Variants in COL2A1 observed in about 807,000 individuals in gnomAD.
COL2A1 encodes collagen type II alpha 1 chain.
In COL2A1, 28 loss-of-function variants were observed where a neutral mutation model predicts 204.5. The observed-to-expected ratio is 0.14, with a 90% confidence interval of 0.10 to 0.19. COL2A1 has a LOEUF of 0.19. COL2A1 is among the 10% of genes least tolerant of loss of function. COL2A1 has a pLI of 1.00. For missense variants in COL2A1, 1,388 were observed against 2,027.5 expected (o/e 0.68, Z 6.06); for synonymous variants, 708 against 718.7 (o/e 0.99, Z 0.24).
At position 47,978,830 on chromosome 12, in the gene COL2A1, G is replaced by C; in HGVS notation, c.2734-72C>G. 1 of 1,545,494 alleles carries C rather than the reference G, an allele frequency of 6.5e-7. No individual in the cohort carries two copies. Among genetic ancestry groups the C allele is most frequent in the South Asian group, 1.1e-5 (1 of 88,292 alleles). On this transcript the variant is annotated intron_variant, in intron 41 of 53. Coordinates refer to ENST00000380518, the MANE Select transcript of COL2A1 (RefSeq NM_001844.5). The surrounding 1 kb of genome is among the most constrained non-coding windows in gnomAD (Gnocchi z 5.5). ...CATCCAGGCTGCCAAAGTCACTGTG[G>C]CCTCAGTGACAGCAGTTTCCTCTCT...
At position 47,993,988 on chromosome 12, in the gene COL2A1, A is replaced by G; in HGVS notation, c.870+6T>C. On this transcript the variant is annotated splice_donor_region_variant and intron_variant, in intron 13 of 53. Coordinates refer to ENST00000380518, the MANE Select transcript of COL2A1 (RefSeq NM_001844.5). ...TCCTTCCAACCTTCTCACCCGTGAT[A>G]CTTACTCTGTGACCTTTGACACCAG... is the stretch of plus-strand genomic sequence containing the variant. 1 of 1,614,122 alleles carries G rather than the reference A, an allele frequency of 6.2e-7. No homozygotes were observed. Among genetic ancestry groups the G allele is most frequent in the South Asian group, 1.1e-5 (1 of 91,082 alleles).
intron 44 of COL2A1, 37 bp from the exon 45 acceptor site, chr12:47,977,690 T>C (rs1474920231): frequency 5.6e-6 from 9 of 1,608,264 alleles, no homozygotes; most frequent in Non-Finnish European, 6.8e-6. Context: ...TTAGAGCTGC[T>C]TCCTGCCCAT....
upstream of COL2A1, chr12:48,005,696 A>C (rs1290618679): frequency 6.6e-6 from 1 of 152,118 alleles, no homozygotes; most frequent in Non-Finnish European, 1.5e-5. Flanking sequence ...CCCCAAACAG[A>C]CCTTCCTTTT....
chr12:47,986,872 G>A lies in COL2A1; in HGVS notation c.1382C>T (p.Ala461Val). Reference protein sequence around the residue: ...PKGQTGEPGIAGFKGEQGPKG... With the variant: ...PKGQTGEPGIVGFKGEQGPKG... ...GGGGCCTTGTTCACCTTTGAAGCCA[G>A]CAATACCAGGTTCACCCTTGAAAAG... Residue 461 changes from alanine (A) to valine (V), a missense_variant, in exon 22 of 54, where the codon GCT becomes GTT. By Grantham distance (64) the Ala-to-Val change is moderately conservative (BLOSUM62 0). Transcript: ENST00000380518. The A allele has an allele frequency of 6.2e-7, 1 of 1,614,206 alleles. No homozygotes were observed. Among genetic ancestry groups the A allele is most frequent in the Admixed American group, 1.7e-5 (1 of 60,032 alleles).
Position 47,998,397 on chromosome 12 carries a change from A to G in COL2A1, c.309+18T>C. The stretch of plus-strand genomic sequence containing the variant: ...AAGCCAAAAAAATATGAAAAAAGAA[A>G]AAGAAGAAAGCCCTTACCTTTGGTC... On this transcript the variant is annotated intron_variant, in intron 3 of 53. Transcript: ENST00000380518. 6.3e-7 allele frequency: 1 copy of G among 1,593,306 alleles called. No homozygotes were observed. Among genetic ancestry groups the G allele is most frequent in the Admixed American group, 1.7e-5 (1 of 57,900 alleles).
In COL2A1 at chr12:47,992,868, A is replaced by C. The variant is rs1939770057; in HGVS notation, c.1023+10T>G. Reference sequence around the variant, plus strand: ...GCAAATGGTGGTGTTTGGCTTTGTCAATTACTCACCGCAGCGCCAGCAGGG... The same window carrying C: ...GCAAATGGTGGTGTTTGGCTTTGTCCATTACTCACCGCAGCGCCAGCAGGG... On this transcript the variant is annotated intron_variant, in intron 16 of 53. Transcript: ENST00000380518. 2.5e-6 allele frequency: 4 copies of C among 1,614,090 alleles called. No individual in the cohort carries two copies. The highest frequency in any genetic ancestry group is 3.4e-6 in the Non-Finnish European group (4 of 1,179,954).
rs1592220572 is a variant in COL2A1 at position 47,987,332 on chromosome 12, T to A, written c.1222-19A>T. The A allele has an allele frequency of 6.2e-7, 1 of 1,613,786 alleles. No individual in the cohort carries two copies. Among genetic ancestry groups the A allele is most frequent in the African/African-American group, 1.3e-5 (1 of 74,980 alleles). ...GGTTACCCTGAAAAGGGAGACATTG[T>A]CAAATAAGCAGCAAAGAATGAACCC... On this transcript the variant is annotated intron_variant, in intron 19 of 53. Coordinates refer to ENST00000380518, the MANE Select transcript of COL2A1 (RefSeq NM_001844.5). The surrounding 1 kb of genome is among the most constrained non-coding windows in gnomAD (Gnocchi z 4.1).
chr12:47,983,590 G>A, intron 30 of COL2A1, 93 bp downstream of exon 30: 1 of 1,467,996 alleles, frequency 6.8e-7, no homozygotes, highest in Non-Finnish European at 9.4e-7. Flanking sequence ...CCCTGCAAGA[G>A]GTGTGGGCCC....
Position 47,983,432 on chromosome 12 carries a change from G to T in COL2A1, c.2002C>A (p.Pro668Thr). 3 of 1,614,080 alleles carry T rather than the reference G, an allele frequency of 1.9e-6. No homozygotes were observed. The highest frequency in any genetic ancestry group is 2.5e-6 in the Non-Finnish European group (3 of 1,179,972). The part of the protein sequence containing the change: ...APGPSGFQGL[P>T]GPPGPPGEGG... ...TCACCTGGGGGACCAGGAGGGCCAG[G>T]AAGTCCCTAGAAGCCGAAGTGACAA... The change falls in exon 31 of 54, where the codon CCT (proline) becomes ACT (threonine). Residue 668 changes from proline (P) to threonine (T), a missense_variant. Pro to Thr is a conservative substitution (Grantham distance 38). Transcript: ENST00000380518.
intron 1 of COL2A1, among the ~76,000 whole-genome samples, chr12:48,002,205 A>T (rs543555738): frequency 6.6e-6 from 1 of 152,334 alleles, no homozygotes; most frequent in East Asian, 1.9e-4. Context: ...AACAAGCCTC[A>T]CAAAGGAGGA....
chr12:47,973,781 C>T (rs997472224), intron 53 of COL2A1, among the ~76,000 whole-genome samples: 1 of 152,140 alleles, frequency 6.6e-6, no homozygotes, highest in African/African-American at 2.4e-5. Context: ...CCTCCTTCCC[C>T]ACTCCCCACA....
rs1164888376 is a variant in COL2A1 at position 47,976,713 on chromosome 12, C to T, written c.3435+99G>A. 7.9e-6 allele frequency: 11 copies of T among 1,396,986 alleles called. No homozygotes were observed. In the African/African-American group the frequency reaches 1.6e-4, roughly 20 times the overall value. The allele number at this position is 1,396,986 out of a possible 1,614,324, so 86.5% of individuals were successfully genotyped here. A position where few individuals can be genotyped will look rare whatever the true frequency, so the allele number is the denominator to read the frequency against. ...AGCCCTGAGGAAATCCTAGAAACTG[C>T]TTAGGGTGATCCCAAGCTGTCCTGG... On this transcript the variant is annotated intron_variant, in intron 48 of 53. Coordinates refer to ENST00000380518, the MANE Select transcript of COL2A1 (RefSeq NM_001844.5). The surrounding 1 kb of genome is among the most constrained non-coding windows in gnomAD (Gnocchi z 4.3).
At position 47,985,903 on chromosome 12, in the gene COL2A1, C is replaced by T. The variant is rs1329190091; in HGVS notation, c.1581+9G>A. On this transcript the variant is annotated intron_variant, in intron 24 of 53. Coordinates refer to ENST00000380518, the MANE Select transcript of COL2A1 (RefSeq NM_001844.5). ...AGGGAGGGACCCCAGCCCCTCTTCT[C>T]CCACTCACCTTGGGACCTGCCAGAC... 1 of 1,555,370 alleles carries T rather than the reference C, an allele frequency of 6.4e-7. No individual in the cohort carries two copies.
At chr12:48,000,901 C>T (rs1940203518) in intron 1 of COL2A1, 1 of 152,352 alleles carries the variant, frequency 6.6e-6, no homozygotes, top group Admixed American at 6.5e-5. Context: ...CCAGTGCTGA[C>T]CTCCACCTGT....
chr12:47,990,910 T>G (rs1939672188), intron 16 of COL2A1, among the ~76,000 whole-genome samples: 1 of 152,182 alleles, frequency 6.6e-6, no homozygotes, highest in Non-Finnish European at 1.5e-5. Flanking sequence ...GGGGGTACCT[T>G]TTCCTGCTGA....
chr12:48,000,129 C>T lies in COL2A1; in HGVS notation c.86-4G>A. The stretch of plus-strand genomic sequence containing the variant: ...TGCACACAGCTGCCAGCCTCCTCTG[C>T]ACCAAGGGTGGGGAGGGAGAAGCAG... On this transcript the variant is annotated splice_polypyrimidine_tract_variant and splice_region_variant and intron_variant, in intron 1 of 53. Coordinates refer to ENST00000380518, the MANE Select transcript of COL2A1 (RefSeq NM_001844.5). 6.2e-7 allele frequency: 1 copy of T among 1,610,144 alleles called. No homozygotes were observed. Among genetic ancestry groups the T allele is most frequent in the South Asian group, 1.1e-5 (1 of 90,836 alleles).
chr12:47,973,741 C>T (rs571723638), intron 53 of COL2A1, among the ~76,000 whole-genome samples, 188 bp from the exon 54 acceptor site: 17 of 152,226 alleles, frequency 1.1e-4, no homozygotes, highest in African/African-American at 2.4e-4. Flanking sequence ...CTATCCTTAG[C>T]GGCAGGGCCC....
intron 1 of COL2A1, among the ~76,000 whole-genome samples, chr12:48,000,441 G>A (rs1046464384): frequency 2.0e-5 from 3 of 152,168 alleles, no homozygotes; most frequent in Non-Finnish European, 2.9e-5. Flanking sequence ...GGGAGACCAG[G>A]TGATGGAGTG....
chr12:47,999,633 G>GCTTTT, intron 2 of COL2A1: 2 of 220,862 alleles, frequency 9.1e-6, no homozygotes, highest in Non-Finnish European at 1.4e-5. Flanking sequence ...TTTCAGAGAG[G>GCTTTT]ATTTTTTTTT....
Sources: allele counts gnomAD v4.1 joint callset (sites outside exome capture counted in the v4.1 genomes callset), GRCh38; gene constraint gnomAD v4.1.1; non-coding constraint Gnocchi (gnomAD v3.1); transcripts MANE v1.5; gene names NCBI Gene and HGNC (gene_info 2026-07-23, HGNC 2026-07-21).